The following CACNB2 variants were observed in gnomAD, a reference collection of about 807,000 sequenced individuals.
CACNB2 encodes the protein voltage-dependent L-type calcium channel subunit beta-2.
In CACNB2, 42 loss-of-function variants were observed where a neutral mutation model predicts 73.3. That is an observed-to-expected ratio of 0.57 (90% confidence interval 0.45 to 0.74). CACNB2 has a LOEUF of 0.74. Among genes scored for constraint, CACNB2 ranks in the 30% least tolerant of loss-of-function variants. The pLI is 0.00. For synonymous variants in CACNB2, 348 were observed against 310.3 expected (o/e 1.12, Z -1.28); for missense variants, 940 against 853.0 (o/e 1.10, Z -1.27).
At chr10:18,144,040 T>A (rs902193292) in intron 1 of CACNB2, among the ~76,000 whole-genome samples, 2 of 152,156 alleles carry the variant, frequency 1.3e-5, no homozygotes, top group African/African-American at 2.4e-5. Flanking sequence ...GATACATTTC[T>A]CAAAGCCCTG....
At chr10:18,168,389 T>A (rs2033006518) in intron 2 of CACNB2, among the ~76,000 whole-genome samples, 1 of 152,136 alleles carries the variant, frequency 6.6e-6, no homozygotes, top group Non-Finnish European at 1.5e-5. Flanking sequence ...ACTAAGTAAT[T>A]TTCCCCCCAA....
chr10:18,374,664 TA>T (rs1173676535), intron 2 of CACNB2, among the ~76,000 whole-genome samples: 1 of 152,218 alleles, frequency 6.6e-6, no homozygotes, highest in Non-Finnish European at 1.5e-5. Flanking sequence ...AGGCTTTTTG[TA>T]TTCTCCACAG....
At chr10:18,300,265 G>T (rs2039454553) in intron 2 of CACNB2, among the ~76,000 whole-genome samples, 1 of 151,988 alleles carries the variant, frequency 6.6e-6, no homozygotes, top group African/African-American at 2.4e-5. Flanking sequence ...CAGGTGATCT[G>T]CCCACCTCGG....
At chr10:18,287,369 T>C (rs2038849365) in intron 2 of CACNB2, among the ~76,000 whole-genome samples, 1 of 152,122 alleles carries the variant, frequency 6.6e-6, no homozygotes, top group Non-Finnish European at 1.5e-5. Flanking sequence ...CTGACATTTT[T>C]CCCTTTAACA....
chr10:18,340,663 C>T, intron 2 of CACNB2: 1 of 1,371,036 alleles, frequency 7.3e-7, no homozygotes, highest in Non-Finnish European at 9.4e-7. Flanking sequence ...GAATAAGACC[C>T]TCCCACTTGC....
At chr10:18,344,109 C>T (rs1023573670) in intron 2 of CACNB2, among the ~76,000 whole-genome samples, 1 of 150,126 alleles carries the variant, frequency 6.7e-6, no homozygotes, top group African/African-American at 2.5e-5. Flanking sequence ...ACTGTGTATT[C>T]CTGTATGTTA....
At chr10:18,288,658 T>C (rs1357492798) in intron 2 of CACNB2, among the ~76,000 whole-genome samples, 1 of 143,184 alleles carries the variant, frequency 7.0e-6, no homozygotes, top group Non-Finnish European at 1.5e-5. Context: ...TATAGCAAGA[T>C]GCAGCAAATG....
intron 2 of CACNB2, among the ~76,000 whole-genome samples, chr10:18,255,247 TCTTA>T (rs1269102067): frequency 6.6e-6 from 1 of 152,120 alleles, no homozygotes; most frequent in Non-Finnish European, 1.5e-5. Context: ...CTCCTCCCTC[TCTTA>T]CTTTATTCTC....
At chr10:18,237,625 G>A (rs2036497579) in intron 2 of CACNB2, among the ~76,000 whole-genome samples, 1 of 152,180 alleles carries the variant, frequency 6.6e-6, no homozygotes. Context: ...GCATAGCTGT[G>A]GCAGCCCCAG....
At chr10:18,413,427 C>T (rs115209669) in intron 3 of CACNB2, among the ~76,000 whole-genome samples, 2,331 of 152,266 alleles carry the variant, frequency 0.015, 76 homozygotes, top group African/African-American at 0.053. Flanking sequence ...CTTTGGTCTT[C>T]GCCTCTCTCC....
intron 2 of CACNB2, among the ~76,000 whole-genome samples, chr10:18,396,601 G>T (rs1321200636): frequency 1.3e-5 from 2 of 152,104 alleles, no homozygotes; most frequent in Non-Finnish European, 2.9e-5. Flanking sequence ...CTCCCGAGTA[G>T]CTGGGATTAT....
chr10:18,270,310 C>T (rs1472093123), intron 2 of CACNB2, among the ~76,000 whole-genome samples: 3 of 152,158 alleles, frequency 2.0e-5, no homozygotes, highest in East Asian at 1.9e-4. Context: ...GTCCCTCCCT[C>T]GACAAGGGGG....
At chr10:18,379,811 C>T (rs2132354223) in intron 2 of CACNB2, among the ~76,000 whole-genome samples, 1 of 152,240 alleles carries the variant, frequency 6.6e-6, no homozygotes, top group Non-Finnish European at 1.5e-5. Flanking sequence ...CTCAGCCTCC[C>T]AAGTGGCTGG....
chr10:18,488,077 G>T (rs1023850887), intron 3 of CACNB2, among the ~76,000 whole-genome samples: 2 of 151,414 alleles, frequency 1.3e-5, no homozygotes, highest in Non-Finnish European at 1.5e-5. Flanking sequence ...CCAAAGTGCT[G>T]GGATTACATG....
chr10:18,478,618 A>G (rs1337358941), intron 3 of CACNB2, among the ~76,000 whole-genome samples: 1 of 152,228 alleles, frequency 6.6e-6, no homozygotes, highest in Non-Finnish European at 1.5e-5. Flanking sequence ...TGTATTTAAC[A>G]TGCACACGGG....
chr10:18,296,620 C>T (rs1480302355), intron 2 of CACNB2, among the ~76,000 whole-genome samples: 1 of 152,062 alleles, frequency 6.6e-6, no homozygotes, highest in African/African-American at 2.4e-5. Context: ...ATACAGCCTG[C>T]CACTACCGAT....
At chr10:18,283,430 C>A (rs563664688) in intron 2 of CACNB2, among the ~76,000 whole-genome samples, 23 of 152,178 alleles carry the variant, frequency 1.5e-4, no homozygotes, top group African/African-American at 5.3e-4. Context: ...CTTATGTCCA[C>A]CAATGATAGG....
intron 6 of CACNB2, 115 bp from the exon 7 acceptor site, chr10:18,514,121 G>A: frequency 9.6e-7 from 1 of 1,040,252 alleles, no homozygotes. Context: ...GTACTGTGTT[G>A]AGCACTCATG....
intron 2 of CACNB2, among the ~76,000 whole-genome samples, chr10:18,223,546 A>T (rs919629274): frequency 1.3e-5 from 2 of 152,168 alleles, no homozygotes; most frequent in East Asian, 3.8e-4. Flanking sequence ...TTTAATACTT[A>T]TGCAGAAAAG....
Sources: gnomAD v4.1 joint callset for allele counts (sites outside exome capture counted in the v4.1 genomes callset) on GRCh38, gnomAD v4.1.1 for gene constraint, MANE v1.5 for transcripts, NCBI Gene and HGNC (gene_info 2026-07-23, HGNC 2026-07-21) for gene names.